Variants in HCK observed in about 807,000 individuals in gnomAD.
HCK encodes the protein tyrosine-protein kinase HCK.
Under a neutral mutation model 70.4 loss-of-function variants are expected in HCK, and 40 were observed. That is an observed-to-expected ratio of 0.57 (90% CI 0.44 to 0.74). The LOEUF is 0.74. Among genes scored for constraint, HCK ranks in the 30% least tolerant of loss-of-function variants. The probability of loss-of-function intolerance (pLI) is 0.00; values close to 1 mark genes in which losing one functional copy is unlikely to be tolerated. For synonymous variants in HCK, 245 were observed against 263.2 expected (o/e 0.93, Z 0.67); for missense variants, 568 against 697.2 (o/e 0.81, Z 2.09).
chr20:32,088,522 T>G, intron 9 of HCK, 46 bp from the exon 10 acceptor site: 1 of 1,483,104 alleles, frequency 6.7e-7, no homozygotes, highest in African/African-American at 1.4e-5. Context: ...GTTTTTGCCA[T>G]TAAATAGTAA....
intron 1 of HCK, among the ~76,000 whole-genome samples, chr20:32,071,037 T>G (rs2045530315): frequency 6.6e-6 from 1 of 152,002 alleles, no homozygotes; most frequent in Admixed American, 6.6e-5. Flanking sequence ...ATACCAGTAA[T>G]ACGGTGCCTT....
intron 1 of HCK, among the ~76,000 whole-genome samples, chr20:32,063,278 A>T (rs537456060): frequency 4.1e-4 from 62 of 152,286 alleles, no homozygotes; most frequent in Non-Finnish European, 7.1e-4. Context: ...TTTTTGAAAC[A>T]TTCTTGCTCT....
At chr20:32,095,087 G>A (rs968548802) in intron 11 of HCK, among the ~76,000 whole-genome samples, 1 of 152,116 alleles carries the variant, frequency 6.6e-6, no homozygotes, top group African/African-American at 2.4e-5. Flanking sequence ...ATGAACAGAC[G>A]AACAAAATGT....
intron 1 of HCK, among the ~76,000 whole-genome samples, chr20:32,061,677 C>T (rs2045378927): frequency 6.6e-6 from 1 of 152,150 alleles, no homozygotes. Flanking sequence ...GTGATGGAGC[C>T]TTTCTGGGTG....
intron 5 of HCK, 112 bp from the exon 6 acceptor site, chr20:32,079,662 C>T (rs927044957): frequency 2.9e-6 from 2 of 678,398 alleles, no homozygotes; most frequent in Admixed American, 2.4e-5. Context: ...GGAAGCCAGA[C>T]CCTCTGTATC....
At chr20:32,098,070 C>T (rs1048770949) in intron 11 of HCK, among the ~76,000 whole-genome samples, 18 of 151,426 alleles carry the variant, frequency 1.2e-4, no homozygotes, top group East Asian at 7.8e-4. Flanking sequence ...ATTTTTGAGA[C>T]GGAGTCTGAC....
intron 6 of HCK, among the ~76,000 whole-genome samples, chr20:32,080,678 C>T (rs1174928103): frequency 6.6e-6 from 1 of 152,190 alleles, no homozygotes; most frequent in Non-Finnish European, 1.5e-5. Context: ...TTCTGTTTTT[C>T]TTTCTTTCTT....
intron 11 of HCK, among the ~76,000 whole-genome samples, chr20:32,094,938 C>CA (rs879837644): frequency 2.0e-4 from 30 of 148,410 alleles, no homozygotes; most frequent in African/African-American, 4.0e-4. Context: ...GAAATTAGAC[C>CA]AAAAAAAAAG....
intron 8 of HCK, 74 bp downstream of exon 8, chr20:32,084,617 C>G: frequency 7.2e-7 from 1 of 1,386,748 alleles, no homozygotes; most frequent in Middle Eastern, 2.4e-4. Context: ...TCCAGGAACA[C>G]CTTATGGCAA....
intron 10 of HCK, among the ~76,000 whole-genome samples, chr20:32,093,292 G>A (rs17093827): frequency 0.03 from 4,608 of 152,114 alleles, 190 homozygotes; most frequent in African/African-American, 0.093. Flanking sequence ...GGGCTTTGCC[G>A]GGCTCATCAC....
chr20:32,096,329 T>C (rs1464497473), intron 11 of HCK, among the ~76,000 whole-genome samples: 2 of 151,672 alleles, frequency 1.3e-5, no homozygotes, highest in Non-Finnish European at 2.9e-5. Flanking sequence ...AAACCCTGTC[T>C]CTACTAAAGA....
Position 32,084,030 on chromosome 20 carries a change from G to A in HCK, c.669G>A (p.Val223=), listed in dbSNP as rs772900757. 35 of 1,613,664 alleles carry A rather than the reference G, an allele frequency of 2.2e-5. 1 individual carries two copies. The South Asian group carries it at 3.7e-4, about 17-fold the overall frequency. Residue 223 remains valine, a synonymous_variant, in exon 7 of 13, where the codon GTG becomes GTA. Coordinates refer to ENST00000375852, the MANE Select transcript of HCK (RefSeq NM_002110.5). Reference sequence around the variant, plus strand: ...CCTTCAGCACTCTGCAGGAGCTGGTGGACCACTACAAGAGTGAGTCCCACC... The same window carrying A: ...CCTTCAGCACTCTGCAGGAGCTGGTAGACCACTACAAGAGTGAGTCCCACC...
At chr20:32,056,657 T>C (rs1301595152) in intron 1 of HCK, among the ~76,000 whole-genome samples, 1 of 152,214 alleles carries the variant, frequency 6.6e-6, no homozygotes, top group Non-Finnish European at 1.5e-5. Flanking sequence ...GTTTATATTT[T>C]ATTAGTATTA....
intron 11 of HCK, among the ~76,000 whole-genome samples, chr20:32,097,307 C>T (rs906137966): frequency 2.6e-5 from 4 of 151,846 alleles, no homozygotes; most frequent in Non-Finnish European, 5.9e-5. Flanking sequence ...GGGCCGGGCA[C>T]GTTGGCTCAT....
intron 6 of HCK, among the ~76,000 whole-genome samples, chr20:32,080,088 G>A (rs1324082767): frequency 6.6e-6 from 1 of 152,250 alleles, no homozygotes; most frequent in South Asian, 2.1e-4. Flanking sequence ...ATAGCTGCCA[G>A]CTTAGGTCAG....
intron 1 of HCK, chr20:32,069,623 A>AT: frequency 2.3e-6 from 1 of 440,246 alleles, no homozygotes; most frequent in Non-Finnish European, 4.4e-6. Flanking sequence ...AATTATGATA[A>AT]TTTTTCAAAT....
chr20:32,065,348 T>A (rs1236169271), intron 1 of HCK, among the ~76,000 whole-genome samples: 1 of 152,236 alleles, frequency 6.6e-6, no homozygotes, highest in Non-Finnish European at 1.5e-5. Context: ...AGTGGAGACT[T>A]TTTGAGTTCA....
At chr20:32,055,409 A>G (rs746828466) in intron 1 of HCK, among the ~76,000 whole-genome samples, 3 of 152,122 alleles carry the variant, frequency 2.0e-5, no homozygotes, top group Non-Finnish European at 4.4e-5. Context: ...AATAACCAAT[A>G]TTTTCATGTA....
intron 3 of HCK, 124 bp from the exon 4 acceptor site, chr20:32,073,592 G>A (rs556571921): frequency 1.1e-4 from 78 of 686,558 alleles, no homozygotes; most frequent in African/African-American, 2.5e-4. Context: ...ATGGTGAGAC[G>A]CCTACTTATA....
Sources: allele counts gnomAD v4.1 joint callset (sites outside exome capture counted in the v4.1 genomes callset), GRCh38; gene constraint gnomAD v4.1.1; transcripts MANE v1.5; gene names NCBI Gene and HGNC (gene_info 2026-07-23, HGNC 2026-07-21).